The following ACVR1 variants were observed in gnomAD, a reference collection of about 807,000 sequenced individuals.
ACVR1 encodes activin receptor type-1.
A neutral mutation model predicts 57.1 loss-of-function variants in ACVR1; 38 were observed. That is an observed-to-expected ratio of 0.67 (90% CI 0.51 to 0.87). The LOEUF is 0.87. Ranked by LOEUF, ACVR1 falls within the 40% of genes least tolerant of loss-of-function variation. ACVR1 has a pLI of 0.00. For missense variants in ACVR1, 463 were observed against 638.2 expected (o/e 0.73, Z 2.96); for synonymous variants, 212 against 228.1 (o/e 0.93, Z 0.63).
intron 5 of ACVR1, among the ~76,000 whole-genome samples, chr2:157,775,066 A>G (rs1686228646): frequency 6.6e-6 from 1 of 152,132 alleles, no homozygotes; most frequent in East Asian, 1.9e-4. Context: ...TAACGAAAAG[A>G]CTCCAATGAC....
chr2:157,860,282 T>A (rs1008487051), intron 1 of ACVR1: 1 of 152,288 alleles, frequency 6.6e-6, no homozygotes, highest in African/African-American at 2.4e-5. Context: ...AAGTCTGGCA[T>A]CCCAGGATAT....
At chr2:157,756,930 A>C (rs79841351) in intron 9 of ACVR1, among the ~76,000 whole-genome samples, 3,922 of 149,254 alleles carry the variant, frequency 0.026, 181 homozygotes, top group African/African-American at 0.09. Flanking sequence ...TGGATAAGAA[A>C]TTGTGAGCTA....
chr2:157,759,550 C>T lies in ACVR1; in HGVS notation c.1264+1330G>A, dbSNP rs571029498. Among the ~76,000 whole-genome samples, 230 of 152,122 alleles carry T rather than the reference C, an allele frequency of 1.5e-3. 1 individual carries two copies. The highest frequency in any genetic ancestry group is 6.8e-3 in the Middle Eastern group (2 of 294). On this transcript the variant is annotated intron_variant, in intron 9 of 10. Coordinates refer to ENST00000434821, the MANE Select transcript of ACVR1 (RefSeq NM_001111067.4). ...AAATAGAACTTCTTCTTGAACTATTCCAAAAAATTGAAGAGGACTGAATTG... is the reference window on the plus strand; with the variant it reads ...AAATAGAACTTCTTCTTGAACTATTTCAAAAAATTGAAGAGGACTGAATTG...
At chr2:157,872,789 T>A (rs555992968) in intron 1 of ACVR1, among the ~76,000 whole-genome samples, 1 of 152,188 alleles carries the variant, frequency 6.6e-6, no homozygotes, top group Non-Finnish European at 1.5e-5. Context: ...TTAGAAAAAA[T>A]GTATTGTGTA....
At chr2:157,812,758 A>G (rs1015311161) in intron 2 of ACVR1, among the ~76,000 whole-genome samples, 1 of 152,214 alleles carries the variant, frequency 6.6e-6, no homozygotes, top group African/African-American at 2.4e-5. Context: ...AACTGAAGAA[A>G]TTGTTTTTAC....
intron 1 of ACVR1, among the ~76,000 whole-genome samples, chr2:157,831,082 A>G (rs1422732287): frequency 6.6e-6 from 1 of 152,100 alleles, no homozygotes; most frequent in African/African-American, 2.4e-5. Context: ...CAGGAATGAG[A>G]CACCACACCT....
chr2:157,810,042 C>G (rs914801048), intron 2 of ACVR1, among the ~76,000 whole-genome samples: 1 of 152,138 alleles, frequency 6.6e-6, no homozygotes, highest in Non-Finnish European at 1.5e-5. Context: ...TGCCACTGTA[C>G]TCCAGACTAG....
At chr2:157,791,835 C>G (rs1187535430) in intron 3 of ACVR1, among the ~76,000 whole-genome samples, 1 of 152,150 alleles carries the variant, frequency 6.6e-6, no homozygotes, top group Non-Finnish European at 1.5e-5. Flanking sequence ...AAATTTGAAG[C>G]ATATGAACTG....
chr2:157,841,435 G>T (rs1688970738), intron 1 of ACVR1, among the ~76,000 whole-genome samples: 1 of 152,166 alleles, frequency 6.6e-6, no homozygotes, highest in Non-Finnish European at 1.5e-5. Flanking sequence ...AGACCAAGAA[G>T]GCCACTAAGA....
chr2:157,838,183 G>A lies in ACVR1; in HGVS notation c.-182-19624C>T, dbSNP rs532949851. The A allele has an allele frequency of 2.0e-5, 3 of 152,262 alleles. No individual in the cohort carries two copies. The South Asian group carries it at 6.2e-4, about 32-fold the overall frequency. The allele number at this position is 152,262 out of a possible 1,614,324, so 9.4% of individuals were successfully genotyped here. ...CGAAACAGATTTAGAGGGAGAGCAG[G>A]AGAAAGTACAGTTCCAGTCGCACTG... On this transcript the variant is annotated intron_variant, in intron 1 of 10. Transcript: ENST00000434821.
intron 9 of ACVR1, among the ~76,000 whole-genome samples, chr2:157,758,476 T>A (rs189303870): frequency 6.6e-6 from 1 of 152,016 alleles, no homozygotes; most frequent in Admixed American, 6.6e-5. Flanking sequence ...CAAGGTCAAC[T>A]GTATAATCAT....
rs539402125 is a variant in ACVR1, at chr2:157,821,874, A to C, written c.-182-3315T>G. 3.9e-5 allele frequency among the ~76,000 whole-genome samples: 6 copies of C among 152,354 alleles called. No homozygotes were observed. In the East Asian group the frequency reaches 1.2e-3, roughly 29 times the overall value. On this transcript the variant is annotated intron_variant, in intron 1 of 10. Coordinates refer to ENST00000434821, the MANE Select transcript of ACVR1 (RefSeq NM_001111067.4). ...TAAAAGAACATGCATAGTTTCTTAA[A>C]AGTTGTTGCAATATGATGGGACCTG...
intron 5 of ACVR1, 93 bp from the exon 6 acceptor site, chr2:157,774,280 G>C: frequency 9.9e-7 from 1 of 1,005,366 alleles, no homozygotes; most frequent in Admixed American, 1.7e-5. Flanking sequence ...CTCACATGAA[G>C]GGCAGCAATC....
At chr2:157,769,204 G>T (rs928203562) in intron 7 of ACVR1, among the ~76,000 whole-genome samples, 1 of 152,148 alleles carries the variant, frequency 6.6e-6, no homozygotes, top group Non-Finnish European at 1.5e-5. Flanking sequence ...ACTGAATGGG[G>T]CATACTTGTA....
chr2:157,754,967 A>G (rs1368972786), intron 9 of ACVR1, among the ~76,000 whole-genome samples: 2 of 152,174 alleles, frequency 1.3e-5, no homozygotes, highest in Non-Finnish European at 2.9e-5. Context: ...ATGCAAGTCA[A>G]TAAATGTCAT....
Position 157,814,946 on chromosome 2 carries a change from G to A in ACVR1, c.-8+3439C>T, listed in dbSNP as rs370872647. Among the ~76,000 whole-genome samples the A allele has an allele frequency of 1.4e-4, 22 of 152,194 alleles. No individual in the cohort carries two copies. The East Asian group carries it at 2.3e-3, about 16-fold the overall frequency. On this transcript the variant is annotated intron_variant, in intron 2 of 10. Transcript: ENST00000434821. The stretch of plus-strand genomic sequence containing the variant: ...TGAAAATACAAAAAATTAGCAGGGC[G>A]TGGTGGCGGGCACCTGTAGGTAGTC...
chr2:157,808,425 G>A (rs914846571), intron 2 of ACVR1, among the ~76,000 whole-genome samples: 1 of 152,174 alleles, frequency 6.6e-6, no homozygotes, highest in East Asian at 1.9e-4. Context: ...TATGTCCCCA[G>A]TTTAATATAG....
At chr2:157,786,481 G>A (rs765246641) in intron 3 of ACVR1, among the ~76,000 whole-genome samples, 49 of 152,156 alleles carry the variant, frequency 3.2e-4, no homozygotes, top group South Asian at 2.1e-4. Context: ...TCTTAAGGCA[G>A]GGCTTAGTCA....
chr2:157,800,272 C>T (rs1687274627), intron 2 of ACVR1, among the ~76,000 whole-genome samples: 1 of 152,246 alleles, frequency 6.6e-6, no homozygotes, highest in South Asian at 2.1e-4. Flanking sequence ...ACTCTTTCAG[C>T]TTTAAAGCAA....
Sources: allele counts gnomAD v4.1 joint callset (sites outside exome capture counted in the v4.1 genomes callset), GRCh38; gene constraint gnomAD v4.1.1; transcripts MANE v1.5; gene names NCBI Gene and HGNC (gene_info 2026-07-23, HGNC 2026-07-21).